Variants in ZFHX3 observed in about 807,000 individuals in gnomAD.
ZFHX3 encodes the protein zinc finger homeobox protein 3.
In ZFHX3, 42 loss-of-function variants were observed where a neutral mutation model predicts 279.1. The ratio of observed to expected loss-of-function variants is 0.15; its 90% CI spans 0.12 to 0.19. The LOEUF (loss-of-function observed/expected upper bound fraction) is 0.19. ZFHX3 is among the 10% of genes least tolerant of loss of function. The probability of loss-of-function intolerance (pLI) is 1.00; values close to 1 mark genes in which losing one functional copy is unlikely to be tolerated. For missense variants in ZFHX3, 4,981 were observed against 4,754.0 expected (o/e 1.05, Z -1.40); for synonymous variants, 2,293 against 1,957.8 (o/e 1.17, Z -4.52).
At chr16:73,010,184 C>T (rs995119934) in intron 1 of ZFHX3, among the ~76,000 whole-genome samples, 5 of 152,162 alleles carry the variant, frequency 3.3e-5, no homozygotes, top group South Asian at 2.1e-4. Context: ...CACTGCTACT[C>T]GCCCTGCTGG....
intron 3 of ZFHX3, among the ~76,000 whole-genome samples, chr16:73,452,291 G>C (rs1238331427): frequency 6.6e-6 from 1 of 152,134 alleles, no homozygotes; most frequent in Non-Finnish European, 1.5e-5. Context: ...AGATGAAACA[G>C]ATAAGCACAA....
chr16:72,825,253 T>C (rs533950281), intron 5 of ZFHX3, among the ~76,000 whole-genome samples: 3 of 152,336 alleles, frequency 2.0e-5, no homozygotes, highest in Admixed American at 6.5e-5. Context: ...ACAAGACATA[T>C]ATCCATGGTT....
At chr16:73,079,051 C>T (rs1965917290) in intron 8 of ZFHX3, among the ~76,000 whole-genome samples, 1 of 152,038 alleles carries the variant, frequency 6.6e-6, no homozygotes, top group South Asian at 2.1e-4. Context: ...ATCTTTGTAG[C>T]CTTAACTATT....
At chr16:73,382,101 C>G (rs1443173936) in intron 3 of ZFHX3, among the ~76,000 whole-genome samples, 2 of 152,172 alleles carry the variant, frequency 1.3e-5, no homozygotes, top group African/African-American at 4.8e-5. Flanking sequence ...ATAAAGTAGT[C>G]CCCCATTTCT....
chr16:73,639,267 C>T (rs575891738), intron 2 of ZFHX3, among the ~76,000 whole-genome samples: 55 of 152,242 alleles, frequency 3.6e-4, no homozygotes, highest in Admixed American at 1.2e-3. Context: ...ACCAGTTTCC[C>T]TGCTCAGATA....
intron 3 of ZFHX3, among the ~76,000 whole-genome samples, chr16:72,932,245 C>G (rs890939152): frequency 2.0e-5 from 3 of 152,080 alleles, no homozygotes; most frequent in African/African-American, 4.8e-5. Flanking sequence ...AATACTGAAA[C>G]CTCCCAGGTT....
At chr16:72,931,449 ACACACAC>A (rs1252036160) in intron 3 of ZFHX3, among the ~76,000 whole-genome samples, 14 of 125,700 alleles carry the variant, frequency 1.1e-4, no homozygotes, top group Non-Finnish European at 2.0e-4. Context: ...ACACACACAC[ACACACAC>A]TCTTCAGCTT....
intron 2 of ZFHX3, among the ~76,000 whole-genome samples, chr16:73,652,695 G>T (rs990893911): frequency 6.6e-6 from 1 of 152,136 alleles, no homozygotes; most frequent in Admixed American, 6.5e-5. Context: ...TGGAGAAAGT[G>T]TCTGGAGAAA....
chr16:73,155,182 A>AC (rs1555501451), intron 5 of ZFHX3, among the ~76,000 whole-genome samples: 16 of 145,010 alleles, frequency 1.1e-4, no homozygotes, highest in South Asian at 1.1e-3. Context: ...CAAAAAAACA[A>AC]AAAAAAAAAA....
At chr16:73,143,327 C>G (rs891574073) in intron 6 of ZFHX3, among the ~76,000 whole-genome samples, 1 of 151,684 alleles carries the variant, frequency 6.6e-6, no homozygotes, top group Non-Finnish European at 1.5e-5. Flanking sequence ...TCTAACGAAG[C>G]CTTCACCAAG....
chr16:73,600,830 G>A (rs1219643746), intron 2 of ZFHX3, among the ~76,000 whole-genome samples: 1 of 152,024 alleles, frequency 6.6e-6, no homozygotes, highest in Non-Finnish European at 1.5e-5. Context: ...AGAAGAGTAG[G>A]CACATACCCA....
intron 2 of ZFHX3, among the ~76,000 whole-genome samples, chr16:73,539,465 A>G (rs1442479974): frequency 3.6e-5 from 1 of 27,618 alleles, no homozygotes; most frequent in African/African-American, 1.5e-4. Flanking sequence ...TTTTTTTTAT[A>G]AGGCCTCTGG....
chr16:73,811,927 A>G (rs28728313), intron 1 of ZFHX3, among the ~76,000 whole-genome samples: 2,713 of 152,236 alleles, frequency 0.018, 84 homozygotes, highest in African/African-American at 0.061. Flanking sequence ...CTGTGTGTGG[A>G]GACTGTGCTG....
At chr16:73,146,014 G>T (rs1299000463) in intron 5 of ZFHX3, among the ~76,000 whole-genome samples, 3 of 152,190 alleles carry the variant, frequency 2.0e-5, no homozygotes, top group Non-Finnish European at 4.4e-5. Context: ...AACCAGGCTA[G>T]TAGTGCCATT....
At chr16:73,791,230 G>T (rs1235553610) in intron 1 of ZFHX3, among the ~76,000 whole-genome samples, 5 of 151,834 alleles carry the variant, frequency 3.3e-5, no homozygotes, top group African/African-American at 1.2e-4. Context: ...CACCCAAAGT[G>T]CTGGGATTAC....
chr16:73,654,094 G>A (rs1292929912), intron 2 of ZFHX3, among the ~76,000 whole-genome samples: 6 of 150,624 alleles, frequency 4.0e-5, no homozygotes, highest in Non-Finnish European at 5.9e-5. Flanking sequence ...TGAGGCAGGA[G>A]AATGGCATGA....
intron 2 of ZFHX3, among the ~76,000 whole-genome samples, chr16:73,545,043 C>T (rs1243302080): frequency 2.0e-5 from 3 of 152,120 alleles, no homozygotes; most frequent in Non-Finnish European, 2.9e-5. Context: ...CGAGGCCCCT[C>T]ATACAACAAT....
At chr16:73,069,330 T>C (rs1178437081) in intron 8 of ZFHX3, among the ~76,000 whole-genome samples, 1 of 152,188 alleles carries the variant, frequency 6.6e-6, no homozygotes, top group African/African-American at 2.4e-5. Context: ...CAATAAGGGA[T>C]GTTAAGCGGG....
chr16:73,784,513 C>G (rs1959574509), intron 1 of ZFHX3, among the ~76,000 whole-genome samples: 1 of 151,926 alleles, frequency 6.6e-6, no homozygotes, highest in Non-Finnish European at 1.5e-5. Context: ...CTTTGGGAGG[C>G]CAAAGCAGGC....
Sources: gnomAD v4.1 joint callset for allele counts (sites outside exome capture counted in the v4.1 genomes callset) on GRCh38, gnomAD v4.1.1 for gene constraint, MANE v1.5 for transcripts, NCBI Gene and HGNC (gene_info 2026-07-23, HGNC 2026-07-21) for gene names.